The following LAMA2 variants were observed in gnomAD, a reference collection of about 807,000 sequenced individuals.
The protein encoded by LAMA2 is laminin subunit alpha 2.
A neutral mutation model predicts 364.8 loss-of-function variants in LAMA2; 269 were observed. That is an observed-to-expected ratio of 0.74 (90% CI 0.67 to 0.82). The LOEUF is 0.82. LAMA2 is among the 40% of genes least tolerant of loss of function. LAMA2 has a pLI of 0.00. For synonymous variants in LAMA2, 1,379 were observed against 1,370.6 expected (o/e 1.01, Z -0.14); for missense variants, 3,807 against 3,873.2 (o/e 0.98, Z 0.45).
chr6:129,482,308 A>G (rs944076054), intron 55 of LAMA2, among the ~76,000 whole-genome samples: 1 of 152,174 alleles, frequency 6.6e-6, no homozygotes, highest in Non-Finnish European at 1.5e-5. Context: ...GCAAGGACAT[A>G]AACTTTAGTA....
intron 1 of LAMA2, among the ~76,000 whole-genome samples, chr6:128,892,311 A>G (rs1308886815): frequency 6.6e-6 from 1 of 151,978 alleles, no homozygotes; most frequent in Non-Finnish European, 1.5e-5. Context: ...GCTAACAGTT[A>G]TGTTAGTAGC....
chr6:128,945,042 T>G (rs2114552888), intron 1 of LAMA2, among the ~76,000 whole-genome samples: 1 of 152,164 alleles, frequency 6.6e-6, no homozygotes, highest in South Asian at 2.1e-4. Flanking sequence ...GCTCTGAAGG[T>G]TTGTTACATC....
chr6:129,279,412 G>C (rs1387987919), intron 17 of LAMA2, among the ~76,000 whole-genome samples: 1 of 152,182 alleles, frequency 6.6e-6, no homozygotes, highest in South Asian at 2.1e-4. Flanking sequence ...TGCAAAGAGA[G>C]AAGTGAATTT....
At chr6:129,514,973 T>G (rs544045676) in intron 64 of LAMA2, among the ~76,000 whole-genome samples, 1 of 152,348 alleles carries the variant, frequency 6.6e-6, no homozygotes. Context: ...GTTATGGAAC[T>G]TATTTCCTCA....
At chr6:129,281,903 A>C (rs1788740464) in intron 18 of LAMA2, among the ~76,000 whole-genome samples, 1 of 152,146 alleles carries the variant, frequency 6.6e-6, no homozygotes, top group Non-Finnish European at 1.5e-5. Flanking sequence ...TATTTATGTA[A>C]GCCAAAAGAA....
chr6:129,058,958 C>A lies in LAMA2; in HGVS notation c.284-826C>A, dbSNP rs556316529. Among the ~76,000 whole-genome samples the A allele has an allele frequency of 1.9e-3, 294 of 152,230 alleles. 1 individual carries two copies. Among genetic ancestry groups the A allele is most frequent in the Middle Eastern group, 0.01 (3 of 294 alleles). ...TTCAAGAACCTACAATGGCCTGGGACAAAGTCTGTTGGGCCCACAGAGCAG... is the reference window on the plus strand; with the variant it reads ...TTCAAGAACCTACAATGGCCTGGGAAAAAGTCTGTTGGGCCCACAGAGCAG... On this transcript the variant is annotated intron_variant, in intron 2 of 64. Transcript: ENST00000421865.
chr6:128,944,896 C>T (rs1048031245), intron 1 of LAMA2, among the ~76,000 whole-genome samples: 4 of 152,078 alleles, frequency 2.6e-5, no homozygotes, highest in African/African-American at 9.7e-5. Context: ...GGTGCTAAAC[C>T]ACTTATGAGA....
chr6:129,093,106 C>T (rs9492232), intron 3 of LAMA2, among the ~76,000 whole-genome samples: 77,295 of 151,588 alleles, frequency 0.51, 24,014 homozygotes, highest in Non-Finnish European at 0.69. Flanking sequence ...CCTCAGCTTC[C>T]GGAGTAGCTG....
chr6:129,294,436 G>C (rs139867757), intron 20 of LAMA2, among the ~76,000 whole-genome samples: 2 of 152,242 alleles, frequency 1.3e-5, no homozygotes, highest in East Asian at 3.9e-4. Flanking sequence ...TATCTAGTGA[G>C]GGCCCTCTTT....
intron 6 of LAMA2, among the ~76,000 whole-genome samples, chr6:129,147,693 G>A (rs1400359895): frequency 3.3e-5 from 5 of 152,012 alleles, no homozygotes; most frequent in African/African-American, 1.2e-4. Flanking sequence ...CTCATCTCCT[G>A]TATAGTATAT....
chr6:129,175,137 T>G (rs776546727), intron 9 of LAMA2, among the ~76,000 whole-genome samples: 1 of 152,240 alleles, frequency 6.6e-6, no homozygotes, highest in Non-Finnish European at 1.5e-5. Context: ...TATCAAACAA[T>G]ATTTATTTTA....
chr6:128,992,510 G>T (rs1783669300), intron 1 of LAMA2, among the ~76,000 whole-genome samples: 1 of 152,142 alleles, frequency 6.6e-6, no homozygotes, highest in African/African-American at 2.4e-5. Context: ...AACTAGAAAT[G>T]GTTTGCAAAT....
chr6:129,223,365 C>T lies in LAMA2; in HGVS notation c.1783-26747C>T, dbSNP rs538520379. On this transcript the variant is annotated intron_variant, in intron 12 of 64. Coordinates refer to ENST00000421865, the MANE Select transcript of LAMA2 (RefSeq NM_000426.4). ...AGTTTAATTAGATCCCATTTGTCAA[C>T]TTTGGCTTTTGTTGCCCTTGCTTTT... Among the ~76,000 whole-genome samples the T allele has an allele frequency of 1.2e-3, 187 of 152,192 alleles. 1 individual carries two copies. The highest frequency in any genetic ancestry group is 2.3e-3 in the Non-Finnish European group (155 of 67,984).
chr6:129,502,304 C>G (rs1785709374), intron 58 of LAMA2, among the ~76,000 whole-genome samples: 1 of 152,180 alleles, frequency 6.6e-6, no homozygotes, highest in African/African-American at 2.4e-5. Flanking sequence ...GTCATTTTCC[C>G]TGTTCGATCT....
At chr6:129,386,853 G>T (rs1262677139) in intron 35 of LAMA2, among the ~76,000 whole-genome samples, 1 of 152,046 alleles carries the variant, frequency 6.6e-6, no homozygotes, top group Non-Finnish European at 1.5e-5. Flanking sequence ...GATACTGAAG[G>T]CCCATGTCCA....
intron 4 of LAMA2, among the ~76,000 whole-genome samples, chr6:129,141,018 G>A (rs1281541429): frequency 2.6e-5 from 4 of 151,904 alleles, no homozygotes; most frequent in Admixed American, 6.6e-5. Flanking sequence ...TTCTTCATAC[G>A]GCACAAACAT....
intron 1 of LAMA2, among the ~76,000 whole-genome samples, chr6:128,995,775 T>G (rs1783898677): frequency 6.6e-6 from 1 of 152,246 alleles, no homozygotes. Context: ...GAGATTAGAA[T>G]GTATTTGGCC....
chr6:129,505,099 T>G, intron 60 of LAMA2, 101 bp from the exon 61 acceptor site: 1 of 1,040,964 alleles, frequency 9.6e-7, no homozygotes, highest in Non-Finnish European at 1.5e-6. Context: ...GTACATTGTT[T>G]CAATTTTTCT....
At chr6:129,403,429 T>C (rs4897314) in intron 39 of LAMA2, among the ~76,000 whole-genome samples, 75,782 of 151,440 alleles carry the variant, frequency 0.5, 19,401 homozygotes, top group African/African-American at 0.61. Flanking sequence ...TGGTCTCTTC[T>C]GGGAAGTGCA....
Sources: allele counts gnomAD v4.1 joint callset (sites outside exome capture counted in the v4.1 genomes callset), GRCh38; gene constraint gnomAD v4.1.1; transcripts MANE v1.5; gene names NCBI Gene and HGNC (gene_info 2026-07-23, HGNC 2026-07-21).